SCTR: variants seen among roughly 807,000 people sequenced by gnomAD.
SCTR encodes the protein secretin receptor.
SCTR carries 56 observed loss-of-function variants against 60.8 expected under a neutral mutation model. The ratio of observed to expected loss-of-function variants is 0.92; its 90% CI spans 0.74 to 1.15. The LOEUF is 1.15. Among genes scored for constraint, SCTR ranks in the 50% most tolerant of loss-of-function variants. The pLI, the probability that SCTR is intolerant of heterozygous loss-of-function variation, is 0.00. For synonymous variants in SCTR, 202 were observed against 217.0 expected, an observed-to-expected ratio of 0.93 and a Z score of 0.61; for missense variants, 562 against 550.4, an observed-to-expected ratio of 1.02 and a Z score of -0.21.
chr2:119,498,661 A>G (rs1396322172), intron 1 of SCTR, among the ~76,000 whole-genome samples: 1 of 152,240 alleles, frequency 6.6e-6, no homozygotes, highest in Non-Finnish European at 1.5e-5. Flanking sequence ...GAACACCAGT[A>G]GCCTATTATA....
At chr2:119,478,678 A>G (rs1677448857) in intron 3 of SCTR, 133 bp downstream of exon 3, 1 of 745,422 alleles carries the variant, frequency 1.3e-6, no homozygotes, top group African/African-American at 1.8e-5. Context: ...AATCCTTTGC[A>G]GTGATCTCCC....
chr2:119,516,786 C>T (rs1356766658), intron 1 of SCTR, among the ~76,000 whole-genome samples: 2 of 151,972 alleles, frequency 1.3e-5, no homozygotes, highest in Admixed American at 6.6e-5. Context: ...ATGGTGGAAC[C>T]GCGTCCCCAC....
At chr2:119,462,263 CT>C (rs1683643245) in intron 6 of SCTR, among the ~76,000 whole-genome samples, 1 of 152,190 alleles carries the variant, frequency 6.6e-6, no homozygotes, top group East Asian at 1.9e-4. Flanking sequence ...GGTTCAAATC[CT>C]AGCACTGGCT....
At chr2:119,516,577 G>A (rs974853121) in intron 1 of SCTR, among the ~76,000 whole-genome samples, 2 of 152,168 alleles carry the variant, frequency 1.3e-5, no homozygotes, top group Non-Finnish European at 1.5e-5. Context: ...TGGGAATGGA[G>A]AGATATAGGT....
intron 1 of SCTR, among the ~76,000 whole-genome samples, chr2:119,505,543 C>T (rs1476074988): frequency 6.6e-6 from 1 of 152,050 alleles, no homozygotes; most frequent in African/African-American, 2.4e-5. Context: ...ATGATGAGTT[C>T]ATGTCCTTTG....
intron 1 of SCTR, among the ~76,000 whole-genome samples, chr2:119,523,808 A>C (rs1202425923): frequency 6.6e-6 from 1 of 152,250 alleles, no homozygotes; most frequent in Middle Eastern, 3.4e-3. Flanking sequence ...TCAAGGAAAG[A>C]TTGGAGGCAA....
At chr2:119,467,179 G>A (rs1683870028) in intron 4 of SCTR, among the ~76,000 whole-genome samples, 1 of 152,038 alleles carries the variant, frequency 6.6e-6, no homozygotes, top group Non-Finnish European at 1.5e-5. Flanking sequence ...TAGAGTTCGA[G>A]ACCAGCCTGG....
chr2:119,478,864 C>T lies in SCTR; in HGVS notation c.248G>A (p.Arg83Gln), dbSNP rs146299407. The T allele has an allele frequency of 1.1e-5, 17 of 1,614,176 alleles. No individual in the cohort carries two copies. The highest frequency in any genetic ancestry group is 3.3e-5 in the South Asian group (3 of 91,082). Residue 83 changes from arginine to glutamine, a missense_variant, in exon 3 of 13, where the codon CGG (arginine) becomes CAG (glutamine). By Grantham distance (43) the Arg-to-Gln change is conservative. Transcript: ENST00000019103. The stretch of plus-strand genomic sequence containing the variant: ...TCTCGGGCATTCCACCTCCACCATC[C>T]GGCCCGGCACAGAAGAGGGCCAGCA... ...ISCWPSSVPGRMVEVECPRFL... is the reference protein window; with the variant it reads ...ISCWPSSVPGQMVEVECPRFL...
chr2:119,466,084 C>T (rs543569862), intron 4 of SCTR, among the ~76,000 whole-genome samples, 198 bp from the exon 5 acceptor site: 10 of 152,108 alleles, frequency 6.6e-5, no homozygotes, highest in South Asian at 4.2e-4. Context: ...CTGATGATCC[C>T]TAAGGATCAT....
intron 1 of SCTR, among the ~76,000 whole-genome samples, chr2:119,517,207 T>C (rs61560915): frequency 0.21 from 31,172 of 151,956 alleles, 4,300 homozygotes; most frequent in East Asian, 0.79. Context: ...TCACCCAGGC[T>C]GGAGTGCAGT....
chr2:119,523,396 TATTA>T (rs1679347737), intron 1 of SCTR, among the ~76,000 whole-genome samples: 1 of 74,858 alleles, frequency 1.3e-5, no homozygotes, highest in Non-Finnish European at 2.7e-5. Context: ...CTGCCGCTAT[TATTA>T]TTATTATTAT....
At chr2:119,488,168 C>G (rs1677961004) in intron 2 of SCTR, among the ~76,000 whole-genome samples, 1 of 152,212 alleles carries the variant, frequency 6.6e-6, no homozygotes, top group Non-Finnish European at 1.5e-5. Context: ...AACAGATCCC[C>G]TTTCCTAAAT....
intron 1 of SCTR, among the ~76,000 whole-genome samples, chr2:119,519,847 CAAAGAAAAAAA>C (rs1169845175): frequency 6.1e-4 from 61 of 100,814 alleles, no homozygotes; most frequent in African/African-American, 1.5e-3. Flanking sequence ...AAAAGAAAAA[CAAAGAAAAAAA>C]AAAGAAAAAA....
At position 119,442,977 on chromosome 2, in the gene SCTR, G is replaced by A. The variant is rs181589683; in HGVS notation, c.1141-1378C>T. On this transcript the variant is annotated intron_variant, in intron 11 of 12. Coordinates refer to ENST00000019103, the MANE Select transcript of SCTR (RefSeq NM_002980.3). ...ACCTCGCCAAAGCTCTCGGAGGCAG[G>A]TGGGAGGATCTTCACCTCACAAGCG... Among the ~76,000 whole-genome samples, 5 of 152,268 alleles carry A rather than the reference G, an allele frequency of 3.3e-5. No individual in the cohort carries two copies. In the East Asian group the frequency reaches 9.6e-4, roughly 29 times the overall value.
chr2:119,513,645 G>A (rs570523130), intron 1 of SCTR, among the ~76,000 whole-genome samples: 1 of 152,100 alleles, frequency 6.6e-6, no homozygotes, highest in Non-Finnish European at 1.5e-5. Flanking sequence ...TATAACTTTT[G>A]TCTTTTCCTA....
At position 119,499,400 on chromosome 2, in the gene SCTR, C is replaced by T. The variant is rs558757765; in HGVS notation, c.73-4852G>A. ...AACGTTTATAGAACATTTCACCCAACAACAGCAGAATACACATTTTAATCA... is the reference window on the plus strand; with the variant it reads ...AACGTTTATAGAACATTTCACCCAATAACAGCAGAATACACATTTTAATCA... On this transcript the variant is annotated intron_variant, in intron 1 of 12. Coordinates refer to ENST00000019103, the MANE Select transcript of SCTR (RefSeq NM_002980.3). 3.3e-5 allele frequency among the ~76,000 whole-genome samples: 5 copies of T among 152,128 alleles called. No homozygotes were observed. In the East Asian group the frequency reaches 5.8e-4, roughly 18 times the overall value.
chr2:119,517,730 G>A (rs1013195399), intron 1 of SCTR, among the ~76,000 whole-genome samples: 1 of 152,160 alleles, frequency 6.6e-6, no homozygotes, highest in Non-Finnish European at 1.5e-5. Context: ...GGAAGAGGGT[G>A]AAGGTTGGGT....
At chr2:119,501,605 C>A (rs1678554461) in intron 1 of SCTR, among the ~76,000 whole-genome samples, 2 of 152,008 alleles carry the variant, frequency 1.3e-5, no homozygotes, top group Admixed American at 1.3e-4. Context: ...TCATACATTT[C>A]AAAGTAGCTA....
At chr2:119,491,797 C>T (rs761253504) in intron 2 of SCTR, among the ~76,000 whole-genome samples, 8 of 152,210 alleles carry the variant, frequency 5.3e-5, no homozygotes, top group Non-Finnish European at 7.3e-5. Context: ...AGGTGTAAGC[C>T]GCTGTGCCCG....
Sources: allele counts gnomAD v4.1 joint callset (sites outside exome capture counted in the v4.1 genomes callset), GRCh38; gene constraint gnomAD v4.1.1; transcripts MANE v1.5; gene names NCBI Gene and HGNC (gene_info 2026-07-23, HGNC 2026-07-21).